Variants in ZFHX3 observed in about 807,000 individuals in gnomAD.
ZFHX3 encodes the protein zinc finger homeobox protein 3.
In ZFHX3, 42 loss-of-function variants were observed where a neutral mutation model predicts 279.1. That is an observed-to-expected ratio of 0.15 (90% confidence interval 0.12 to 0.19). The LOEUF (loss-of-function observed/expected upper bound fraction) is 0.19. ZFHX3 is among the 10% of genes least tolerant of loss of function. The pLI is 1.00. For missense variants in ZFHX3, 4,981 were observed against 4,754.0 expected, an observed-to-expected ratio of 1.05 and a Z score of -1.40; for synonymous variants, 2,293 against 1,957.8, an observed-to-expected ratio of 1.17 and a Z score of -4.52.
Position 73,116,297 on chromosome 16 carries a change from T to A in ZFHX3, c.-897+14671A>T, listed in dbSNP as rs1460619329. On this transcript the variant is annotated intron_variant, in intron 7 of 17. Coordinates refer to the ZFHX3 transcript ENST00000641206. ...GCGGGGGAGTGTCCCTTGAAAATTC[T>A]GACTACCTCATTAATGGGGATTTGC... is the stretch of plus-strand genomic sequence containing the variant. 2.0e-5 allele frequency among the ~76,000 whole-genome samples: 3 copies of A among 152,156 alleles called. No individual in the cohort carries two copies. The East Asian group carries it at 5.8e-4, about 29-fold the overall frequency.
intron 5 of ZFHX3, among the ~76,000 whole-genome samples, chr16:73,219,524 T>C (rs1421039626): frequency 6.6e-6 from 1 of 152,230 alleles, no homozygotes; most frequent in Non-Finnish European, 1.5e-5. Flanking sequence ...AGGATAATAC[T>C]GAGGCATGCC....
At chr16:73,813,123 A>C (rs1223068150) in intron 1 of ZFHX3, among the ~76,000 whole-genome samples, 2 of 152,100 alleles carry the variant, frequency 1.3e-5, no homozygotes, top group Non-Finnish European at 2.9e-5. Context: ...CAGCTACCAC[A>C]CTAGGAATAA....
intron 7 of ZFHX3, chr16:72,807,818 C>T (rs1308388643): frequency 2.0e-5 from 3 of 152,280 alleles, no homozygotes; most frequent in Middle Eastern, 3.4e-3. Context: ...TATTCTGCAG[C>T]CAATGGCAAC....
At chr16:73,601,739 T>A (rs974005249) in intron 2 of ZFHX3, among the ~76,000 whole-genome samples, 1 of 152,196 alleles carries the variant, frequency 6.6e-6, no homozygotes, top group South Asian at 2.1e-4. Context: ...CTTTTTTCAA[T>A]GTGAACTTTA....
At chr16:73,122,359 G>A (rs1478575705) in intron 7 of ZFHX3, among the ~76,000 whole-genome samples, 1 of 151,572 alleles carries the variant, frequency 6.6e-6, no homozygotes, top group African/African-American at 2.4e-5. Context: ...GTGCATGCCA[G>A]GCTAATTTTT....
chr16:73,290,015 CCACACACACA>C (rs10564390), intron 4 of ZFHX3, among the ~76,000 whole-genome samples: 12,430 of 144,368 alleles, frequency 0.086, 606 homozygotes, highest in South Asian at 0.22. Flanking sequence ...AGAGAAATAA[CCACACACACA>C]CACACACACA....
rs138854357 is a variant in ZFHX3 at position 73,705,140 on chromosome 16, A to C, written c.-1607-24900T>G. 1.1e-3 allele frequency among the ~76,000 whole-genome samples: 167 copies of C among 152,340 alleles called. 1 individual carries two copies. Among genetic ancestry groups the C allele is most frequent in the Middle Eastern group, 6.8e-3 (2 of 294 alleles). ...GTAAAATGTAGTAAAATAATTACAA[A>C]GTGATTATTATCTTTGCTTTTAATA... On this transcript the variant is annotated intron_variant, in intron 1 of 17. Coordinates refer to the ZFHX3 transcript ENST00000641206.
chr16:73,039,758 C>T (rs1965044421), intron 1 of ZFHX3, among the ~76,000 whole-genome samples: 2 of 152,090 alleles, frequency 1.3e-5, no homozygotes, highest in Admixed American at 6.5e-5. Context: ...TGATCTCAAA[C>T]TCCTGAGGTC....
chr16:73,299,648 C>T (rs2143127303), intron 4 of ZFHX3, among the ~76,000 whole-genome samples: 2 of 152,310 alleles, frequency 1.3e-5, no homozygotes, highest in East Asian at 1.9e-4. Flanking sequence ...AGAACGTGCC[C>T]CAGCCCAGGA....
At chr16:73,662,785 A>T (rs910754997) in intron 2 of ZFHX3, among the ~76,000 whole-genome samples, 2 of 152,238 alleles carry the variant, frequency 1.3e-5, no homozygotes, top group African/African-American at 4.8e-5. Flanking sequence ...TCACAATTTT[A>T]TAGACCCTCA....
At chr16:73,613,733 G>T (rs139216845) in intron 2 of ZFHX3, among the ~76,000 whole-genome samples, 4 of 152,122 alleles carry the variant, frequency 2.6e-5, no homozygotes, top group African/African-American at 9.7e-5. Context: ...TGTGTGCCCC[G>T]TTTCACTAGG....
intron 1 of ZFHX3, among the ~76,000 whole-genome samples, chr16:73,692,330 G>A (rs1260726449): frequency 6.6e-6 from 1 of 152,096 alleles, no homozygotes; most frequent in East Asian, 1.9e-4. Flanking sequence ...CTTCAGATGG[G>A]GAGCTACAGA....
chr16:73,416,752 T>C (rs930865177), intron 3 of ZFHX3, among the ~76,000 whole-genome samples: 3 of 146,082 alleles, frequency 2.1e-5, no homozygotes, highest in African/African-American at 4.9e-5. Context: ...CGGGCGCCTG[T>C]AGTCCCAGCT....
intron 5 of ZFHX3, among the ~76,000 whole-genome samples, chr16:73,214,343 G>A (rs183338582): frequency 2.6e-5 from 4 of 152,290 alleles, no homozygotes; most frequent in Admixed American, 2.6e-4. Context: ...TGTGAGCTAT[G>A]GGGTGCCCTG....
intron 3 of ZFHX3, among the ~76,000 whole-genome samples, chr16:73,325,116 A>T (rs1189071511): frequency 6.6e-6 from 1 of 152,212 alleles, no homozygotes; most frequent in East Asian, 1.9e-4. Flanking sequence ...ATAGGACAGA[A>T]GAAAGAACAC....
chr16:73,808,555 G>C (rs1016873377), intron 1 of ZFHX3: 9 of 152,324 alleles, frequency 5.9e-5, no homozygotes, highest in Admixed American at 4.6e-4. Context: ...TGTGGACAAT[G>C]GCACGCTAGT....
intron 4 of ZFHX3, among the ~76,000 whole-genome samples, chr16:73,261,668 G>GTTTCTT (rs2013828824): frequency 1.2e-5 from 1 of 80,716 alleles, no homozygotes; most frequent in Admixed American, 1.8e-4. Context: ...TCCTGTGATT[G>GTTTCTT]TTTTTTTTTT....
chr16:73,807,176 C>A (rs910022906), intron 1 of ZFHX3, among the ~76,000 whole-genome samples: 10 of 152,122 alleles, frequency 6.6e-5, no homozygotes, highest in African/African-American at 2.2e-4. Context: ...GTGGATGCCT[C>A]TATTATCATA....
chr16:72,798,790 A>G, intron 8 of ZFHX3, 76 bp from the exon 9 acceptor site: 1 of 1,488,368 alleles, frequency 6.7e-7, no homozygotes, highest in Non-Finnish European at 8.9e-7. Flanking sequence ...AGAGCGGTCT[A>G]CCTAGTCAGG....
Sources: gnomAD v4.1 joint callset for allele counts (sites outside exome capture counted in the v4.1 genomes callset) on GRCh38, gnomAD v4.1.1 for gene constraint, MANE v1.5 for transcripts, NCBI Gene and HGNC (gene_info 2026-07-23, HGNC 2026-07-21) for gene names.